Variants in PDE4D observed in about 807,000 individuals in gnomAD.
PDE4D encodes phosphodiesterase 4D.
A neutral mutation model predicts 87.4 loss-of-function variants in PDE4D; 24 were observed. That is an observed-to-expected ratio of 0.27 (90% CI 0.20 to 0.39). The LOEUF is 0.39. Ranked by LOEUF, PDE4D falls within the 10% of genes least tolerant of loss-of-function variation. The pLI is 1.00. For missense variants in PDE4D, 714 were observed against 1,041.0 expected (o/e 0.69, Z 4.32); for synonymous variants, 384 against 383.2 (o/e 1.00, Z -0.02).
At chr5:59,631,526 A>G (rs1025763665) in intron 1 of PDE4D, among the ~76,000 whole-genome samples, 4 of 152,102 alleles carry the variant, frequency 2.6e-5, no homozygotes, top group African/African-American at 9.7e-5. Flanking sequence ...AGGTGATTTC[A>G]GCATTTCCAA....
chr5:59,632,334 T>C (rs1442077160), intron 1 of PDE4D, among the ~76,000 whole-genome samples: 2 of 152,198 alleles, frequency 1.3e-5, no homozygotes, highest in Non-Finnish European at 2.9e-5. Flanking sequence ...GACTTAAATG[T>C]TCCTGCCTGC....
intron 1 of PDE4D, among the ~76,000 whole-genome samples, chr5:59,641,230 T>A (rs1277562632): frequency 1.1e-4 from 16 of 152,204 alleles, no homozygotes; most frequent in Non-Finnish European, 2.9e-5. Flanking sequence ...TTAATGTATG[T>A]TTGGTGCCAC....
intron 2 of PDE4D, among the ~76,000 whole-genome samples, chr5:60,134,088 A>T (rs1366899356): frequency 6.6e-6 from 1 of 152,240 alleles, no homozygotes; most frequent in Non-Finnish European, 1.5e-5. Flanking sequence ...ATGATTTAAT[A>T]CATTAATAAA....
chr5:60,463,788 T>C (rs1468443287), intron 1 of PDE4D, among the ~76,000 whole-genome samples: 1 of 152,166 alleles, frequency 6.6e-6, no homozygotes, highest in African/African-American at 2.4e-5. Flanking sequence ...CAGCTGTCCT[T>C]TCCTGCCATG....
chr5:59,458,188 C>G (rs1800213311), intron 1 of PDE4D, among the ~76,000 whole-genome samples: 1 of 152,136 alleles, frequency 6.6e-6, no homozygotes, highest in Non-Finnish European at 1.5e-5. Context: ...ACTTAATGAA[C>G]ATTTATTAAA....
At chr5:59,141,843 G>T (rs562933710) in intron 5 of PDE4D, among the ~76,000 whole-genome samples, 1 of 152,230 alleles carries the variant, frequency 6.6e-6, no homozygotes, top group East Asian at 1.9e-4. Context: ...AAGGCAATAG[G>T]GTCTGGAGGT....
intron 1 of PDE4D, among the ~76,000 whole-genome samples, chr5:59,848,363 G>A (rs536117990): frequency 6.6e-6 from 1 of 152,076 alleles, no homozygotes; most frequent in South Asian, 2.1e-4. Context: ...TAGCACTCCT[G>A]TTGTTTGAGC....
At chr5:60,274,518 G>A (rs1178167851) in intron 1 of PDE4D, among the ~76,000 whole-genome samples, 15 of 152,012 alleles carry the variant, frequency 9.9e-5, no homozygotes, top group East Asian at 9.6e-4. Flanking sequence ...GTGCCACCAC[G>A]CCCAGCTAAT....
intron 1 of PDE4D, among the ~76,000 whole-genome samples, chr5:60,505,731 T>A (rs1009589410): frequency 6.6e-6 from 1 of 152,244 alleles, no homozygotes; most frequent in African/African-American, 2.4e-5. Context: ...CTTAAAAATG[T>A]TCATCCTATA....
rs770927534 is a variant in PDE4D at position 59,762,231 on chromosome 5, TGC to T, written c.455+130935_455+130936del. On this transcript the variant is annotated intron_variant, in intron 1 of 14. Coordinates refer to ENST00000340635, the MANE Select transcript of PDE4D (RefSeq NM_001104631.2). ...GTATATGTGTATATGGGTACACATATGCGTATATGTGTATATGGGTACACATA... is the reference window on the plus strand; with the variant it reads ...GTATATGTGTATATGGGTACACATATGTATATGTGTATATGGGTACACATA... Among the ~76,000 whole-genome samples, 745 of 146,640 alleles carry T rather than the reference TGC, an allele frequency of 5.1e-3. 14 individuals are homozygous for T. Among genetic ancestry groups the T allele is most frequent in the Middle Eastern group, 0.014 (4 of 288 alleles).
At chr5:59,722,807 G>C (rs1756041274) in intron 1 of PDE4D, among the ~76,000 whole-genome samples, 1 of 152,062 alleles carries the variant, frequency 6.6e-6, no homozygotes, top group Admixed American at 6.6e-5. Flanking sequence ...GAATCTAACT[G>C]GGCTCAGTAT....
chr5:59,093,175 T>C (rs745930577), intron 5 of PDE4D, among the ~76,000 whole-genome samples: 3 of 152,160 alleles, frequency 2.0e-5, no homozygotes, highest in Non-Finnish European at 4.4e-5. Flanking sequence ...AGTGGACTAA[T>C]GTGTTCTCCC....
rs139352202 is a variant in PDE4D at position 59,420,402 on chromosome 5, A to G, written c.456-204434T>C. ...TTTATTTTGAGATGACTTTGAACATATACTGAAGTCAGAGACAACAGCAAC... is the reference window on the plus strand; with the variant it reads ...TTTATTTTGAGATGACTTTGAACATGTACTGAAGTCAGAGACAACAGCAAC... On this transcript the variant is annotated intron_variant, in intron 1 of 14. Coordinates refer to ENST00000340635, the MANE Select transcript of PDE4D (RefSeq NM_001104631.2). Among the ~76,000 whole-genome samples, 109 of 152,300 alleles carry G rather than the reference A, an allele frequency of 7.2e-4. 2 individuals are homozygous for G. In the East Asian group the frequency reaches 0.02, roughly 28 times the overall value.
At chr5:59,742,355 C>T (rs943284618) in intron 1 of PDE4D, among the ~76,000 whole-genome samples, 4 of 152,148 alleles carry the variant, frequency 2.6e-5, no homozygotes, top group East Asian at 1.9e-4. Flanking sequence ...TGAGCCACTG[C>T]GTCTGGCCAT....
intron 2 of PDE4D, among the ~76,000 whole-genome samples, chr5:59,990,582 T>C (rs1762910692): frequency 6.6e-6 from 1 of 152,184 alleles, no homozygotes; most frequent in African/African-American, 2.4e-5. Flanking sequence ...AGTTCATTTA[T>C]TTCAAATCCT....
chr5:59,934,377 A>G (rs893650952), intron 3 of PDE4D, among the ~76,000 whole-genome samples: 2 of 152,210 alleles, frequency 1.3e-5, no homozygotes, highest in Non-Finnish European at 2.9e-5. Flanking sequence ...TTCTGTGTCC[A>G]TGGACAGACT....
At chr5:59,691,874 A>T (rs1321315851) in intron 1 of PDE4D, among the ~76,000 whole-genome samples, 3 of 152,136 alleles carry the variant, frequency 2.0e-5, no homozygotes, top group African/African-American at 7.2e-5. Flanking sequence ...AGTTCATTTT[A>T]TAATACATGT....
At chr5:60,102,399 A>C (rs1776313349) in intron 2 of PDE4D, among the ~76,000 whole-genome samples, 1 of 152,204 alleles carries the variant, frequency 6.6e-6, no homozygotes, top group Non-Finnish European at 1.5e-5. Flanking sequence ...TCTTTCAAAC[A>C]TCCTGCCAGC....
In PDE4D at chr5:59,880,400, G is replaced by A. The variant is rs186863870; in HGVS notation, c.455+12768C>T. On this transcript the variant is annotated intron_variant, in intron 1 of 14. Coordinates refer to ENST00000340635, the MANE Select transcript of PDE4D (RefSeq NM_001104631.2). ...ACGGCGATTACAGGTGTGAGCCACT[G>A]TGCCTGGCCTGAAATTTTTCATGAG... Among the ~76,000 whole-genome samples, 366 of 152,280 alleles carry A rather than the reference G, an allele frequency of 2.4e-3. 5 individuals carry two copies. The highest frequency in any genetic ancestry group is 8.4e-3 in the African/African-American group (350 of 41,546).
Sources: allele counts gnomAD v4.1 joint callset (sites outside exome capture counted in the v4.1 genomes callset), GRCh38; gene constraint gnomAD v4.1.1; transcripts MANE v1.5; gene names NCBI Gene and HGNC (gene_info 2026-07-23, HGNC 2026-07-21).